Variants in GRID1 observed in about 807,000 individuals in gnomAD.
The protein encoded by GRID1 is glutamate ionotropic receptor delta type subunit 1, also known as glutamate receptor ionotropic, delta-1.
A neutral mutation model predicts 98.0 loss-of-function variants in GRID1; 28 were observed. That is an observed-to-expected ratio of 0.29 (90% CI 0.21 to 0.39). The LOEUF (loss-of-function observed/expected upper bound fraction) is 0.39. Ranked by LOEUF, GRID1 falls within the 10% of genes least tolerant of loss-of-function variation. GRID1 has a pLI of 1.00. For synonymous variants in GRID1, 553 were observed against 538.5 expected (o/e 1.03, Z -0.37); for missense variants, 1,111 against 1,340.5 (o/e 0.83, Z 2.67).
rs1225430788 is a variant in GRID1, at chr10:85,620,140, T to TAGGA, written c.2194-108_2194-107insTCCT. On this transcript the variant is annotated intron_variant, in intron 13 of 15. Transcript: ENST00000327946. ...GATTTGAGGGACCCATCCTCAATGGTCTTCCTACCCACCAGACAGCACAGC... is the reference window on the plus strand; with the variant it reads ...GATTTGAGGGACCCATCCTCAATGGTAGGACTTCCTACCCACCAGACAGCACAGC... 8.2e-4 allele frequency: 710 copies of TAGGA among 861,922 alleles called. 1 individual carries two copies. The highest frequency in any genetic ancestry group is 2.6e-3 in the Admixed American group (127 of 47,982). 53.4% of individuals were successfully genotyped at this position (861,922 alleles called of 1,614,324 possible).
chr10:85,897,517 A>G (rs1841310383), intron 5 of GRID1, among the ~76,000 whole-genome samples: 1 of 152,166 alleles, frequency 6.6e-6, no homozygotes, highest in African/African-American at 2.4e-5. Flanking sequence ...GGGGTCTCTC[A>G]TGCTCGGAAA....
chr10:85,613,345 G>C, intron 15 of GRID1, 62 bp downstream of exon 15: 1 of 1,526,590 alleles, frequency 6.6e-7, no homozygotes, highest in Middle Eastern at 2.3e-4. Context: ...CCCTCCCAAT[G>C]GCCCAGTGTG....
At chr10:85,909,454 A>G (rs1841507111) in intron 5 of GRID1, among the ~76,000 whole-genome samples, 2 of 152,242 alleles carry the variant, frequency 1.3e-5, no homozygotes, top group African/African-American at 2.4e-5. Context: ...ATAAATGTTC[A>G]TAGTAGCTTT....
intron 13 of GRID1, among the ~76,000 whole-genome samples, chr10:85,622,810 G>T (rs1045215271): frequency 1.4e-4 from 21 of 152,214 alleles, no homozygotes; most frequent in African/African-American, 5.1e-4. Flanking sequence ...AGATGAGAAA[G>T]AGGGGAGGAT....
intron 13 of GRID1, among the ~76,000 whole-genome samples, chr10:85,642,619 T>A (rs969402876): frequency 3.3e-5 from 5 of 152,220 alleles, no homozygotes; most frequent in Non-Finnish European, 5.9e-5. Context: ...GGCAGGTTTG[T>A]TGTGAAAATG....
chr10:85,892,216 CA>C lies in GRID1; in HGVS notation c.781-23037del, dbSNP rs35210466. On this transcript the variant is annotated intron_variant, in intron 5 of 15. Transcript: ENST00000327946. ...ATGAATCATGGAGATAAAAAAAAAACAAAAAAAAAAACAGGAAAAAGATCAA... is the reference window on the plus strand; with the variant it reads ...ATGAATCATGGAGATAAAAAAAAAACAAAAAAAAAACAGGAAAAAGATCAA... 7.0e-3 allele frequency among the ~76,000 whole-genome samples: 869 copies of C among 123,706 alleles called. 7 individuals are homozygous for C. The highest frequency in any genetic ancestry group is 0.017 in the Middle Eastern group (4 of 236). The allele number at this position is 123,706 out of a possible 152,430, so 81.2% of individuals were successfully genotyped here.
chr10:85,878,816 A>G (rs952096408), intron 5 of GRID1, among the ~76,000 whole-genome samples: 4 of 151,766 alleles, frequency 2.6e-5, no homozygotes, highest in African/African-American at 9.7e-5. Context: ...ATTAAAAGAC[A>G]CAGACTGGCA....
chr10:85,649,301 A>G (rs1333143845), intron 12 of GRID1, among the ~76,000 whole-genome samples: 1 of 152,232 alleles, frequency 6.6e-6, no homozygotes, highest in African/African-American at 2.4e-5. Flanking sequence ...TGGCCCAGAA[A>G]CAGAGCTCAG....
intron 2 of GRID1, among the ~76,000 whole-genome samples, chr10:86,273,730 C>G (rs1165409685): frequency 0.012 from 1,799 of 152,074 alleles, 32 homozygotes; most frequent in African/African-American, 0.042. Context: ...AGTGTCTGTT[C>G]ATATCCTTCG....
intron 2 of GRID1, among the ~76,000 whole-genome samples, chr10:86,231,392 C>A (rs1179560214): frequency 3.3e-5 from 5 of 152,140 alleles, no homozygotes; most frequent in Non-Finnish European, 7.4e-5. Context: ...ATTCTGCACT[C>A]CGGACAGAGG....
intron 2 of GRID1, among the ~76,000 whole-genome samples, chr10:86,267,516 C>T (rs530324750): frequency 6.6e-6 from 1 of 152,314 alleles, no homozygotes; most frequent in Non-Finnish European, 1.5e-5. Context: ...CTGATTCATC[C>T]CCCCAGGGTG....
At chr10:85,929,713 C>T (rs1841823509) in intron 4 of GRID1, among the ~76,000 whole-genome samples, 1 of 152,090 alleles carries the variant, frequency 6.6e-6, no homozygotes, top group South Asian at 2.1e-4. Flanking sequence ...AATTAAAAGC[C>T]TTCTATTGAC....
intron 5 of GRID1, among the ~76,000 whole-genome samples, chr10:85,903,032 A>T (rs1481567178): frequency 6.6e-6 from 1 of 152,136 alleles, no homozygotes; most frequent in African/African-American, 2.4e-5. Flanking sequence ...TTAGTAATGC[A>T]ACCCCTCTGT....
At chr10:85,771,290 C>T (rs12255337) in intron 8 of GRID1, among the ~76,000 whole-genome samples, 4,883 of 152,182 alleles carry the variant, frequency 0.032, 194 homozygotes, top group East Asian at 0.13. Flanking sequence ...TTTGTCACCA[C>T]GAGGCCTGCC....
chr10:85,946,723 T>C (rs1280402485), intron 4 of GRID1, among the ~76,000 whole-genome samples: 1 of 151,968 alleles, frequency 6.6e-6, no homozygotes, highest in Non-Finnish European at 1.5e-5. Context: ...CTCTGAGAAA[T>C]TGTCTTCAGT....
At chr10:86,036,872 ATTAGTGG>A in intron 4 of GRID1, among the ~76,000 whole-genome samples, 1 of 152,222 alleles carries the variant, frequency 6.6e-6, no homozygotes, top group South Asian at 2.1e-4. Context: ...GCCACTTCCC[ATTAGTGG>A]TTAAAACAAT....
At chr10:85,679,031 A>G (rs1463832121) in intron 12 of GRID1, among the ~76,000 whole-genome samples, 2 of 152,232 alleles carry the variant, frequency 1.3e-5, no homozygotes, top group African/African-American at 4.8e-5. Flanking sequence ...TTAATTTGTC[A>G]TTTAATCCAG....
chr10:85,698,029 G>A (rs1019110507), intron 12 of GRID1, among the ~76,000 whole-genome samples: 5 of 151,970 alleles, frequency 3.3e-5, no homozygotes, highest in Admixed American at 6.6e-5. Flanking sequence ...GATGGTGTAC[G>A]GTGAGTATGT....
intron 2 of GRID1, among the ~76,000 whole-genome samples, chr10:86,335,835 G>A (rs1014145269): frequency 6.6e-6 from 1 of 152,194 alleles, no homozygotes; most frequent in Non-Finnish European, 1.5e-5. Flanking sequence ...ACTTCCCATG[G>A]CCACTTCTCT....
Sources: allele counts gnomAD v4.1 joint callset (sites outside exome capture counted in the v4.1 genomes callset), GRCh38; gene constraint gnomAD v4.1.1; transcripts MANE v1.5; gene names NCBI Gene and HGNC (gene_info 2026-07-23, HGNC 2026-07-21).